ARHGAP29: variants seen among roughly 807,000 people sequenced by gnomAD.
The protein encoded by ARHGAP29 is rho GTPase-activating protein 29.
Under a neutral mutation model 122.6 loss-of-function variants are expected in ARHGAP29, and 43 were observed. The observed-to-expected ratio is 0.35, with a 90% confidence interval of 0.27 to 0.45. ARHGAP29 has a LOEUF of 0.45. Ranked by LOEUF, ARHGAP29 falls within the 20% of genes least tolerant of loss-of-function variation. The pLI, the probability that ARHGAP29 is intolerant of heterozygous loss-of-function variation, is 1.00. For synonymous variants in ARHGAP29, 506 were observed against 497.1 expected, an observed-to-expected ratio of 1.02 and a Z score of -0.24; for missense variants, 1,303 against 1,477.2, an observed-to-expected ratio of 0.88 and a Z score of 1.93.
chr1:94,199,013 T>A (rs1157367340), intron 12 of ARHGAP29, among the ~76,000 whole-genome samples: 1 of 152,094 alleles, frequency 6.6e-6, no homozygotes, highest in Non-Finnish European at 1.5e-5. Flanking sequence ...ACACCACATG[T>A]TCTCAATCAT....
chr1:94,269,023 T>A (rs1046475191), intron 1 of ARHGAP29, among the ~76,000 whole-genome samples: 7 of 152,324 alleles, frequency 4.6e-5, no homozygotes, highest in African/African-American at 1.4e-4. Flanking sequence ...AACTTTTAAA[T>A]CTCTCAAACA....
upstream of ARHGAP29, among the ~76,000 whole-genome samples, chr1:94,238,331 A>G (rs1653435956): frequency 6.6e-6 from 1 of 151,890 alleles, no homozygotes; most frequent in South Asian, 2.1e-4. Flanking sequence ...AGCCTCCCAA[A>G]GTACTGGGAT....
intron 12 of ARHGAP29, among the ~76,000 whole-genome samples, chr1:94,199,690 TC>T (rs2101490226): frequency 6.6e-6 from 1 of 152,304 alleles, no homozygotes; most frequent in East Asian, 1.9e-4. Flanking sequence ...CCATGGAAAT[TC>T]ACACTAGCCA....
At chr1:94,185,887 C>G (rs1017226867) in intron 16 of ARHGAP29, among the ~76,000 whole-genome samples, 2 of 152,078 alleles carry the variant, frequency 1.3e-5, no homozygotes, top group Admixed American at 6.6e-5. Flanking sequence ...ATCTGCATTA[C>G]AGATAAAGCT....
At chr1:94,204,067 G>A in intron 7 of ARHGAP29, 73 bp from the exon 8 acceptor site, 1 of 1,150,076 alleles carries the variant, frequency 8.7e-7, no homozygotes, top group African/African-American at 1.5e-5. Flanking sequence ...AAAATTACTT[G>A]TAGTAATTCC....
intron 16 of ARHGAP29, among the ~76,000 whole-genome samples, chr1:94,186,109 A>G (rs1168765833): frequency 1.3e-5 from 2 of 152,210 alleles, no homozygotes; most frequent in African/African-American, 2.4e-5. Flanking sequence ...CTTGTCCTCA[A>G]GAAGTACACT....
chr1:94,179,243 A>T (rs1189738771), intron 20 of ARHGAP29, among the ~76,000 whole-genome samples: 3 of 152,194 alleles, frequency 2.0e-5, no homozygotes, highest in African/African-American at 4.8e-5. Context: ...CAGATTGGAA[A>T]TGAAATGTTC....
At chr1:94,205,776 A>C (rs1651151540) in intron 5 of ARHGAP29, 93 bp from the exon 6 acceptor site, 1 of 1,059,892 alleles carries the variant, frequency 9.4e-7, no homozygotes, top group African/African-American at 1.6e-5. Context: ...CTCTGACATA[A>C]TTCCTGCTAA....
intron 2 of ARHGAP29, among the ~76,000 whole-genome samples, chr1:94,221,441 G>T (rs1652284499): frequency 6.6e-6 from 1 of 151,698 alleles, no homozygotes; most frequent in Non-Finnish European, 1.5e-5. Flanking sequence ...TTCATTCAAT[G>T]TGATACTGAA....
intron 1 of ARHGAP29, among the ~76,000 whole-genome samples, chr1:94,268,542 T>G (rs556079059): frequency 3.3e-4 from 50 of 152,310 alleles, no homozygotes; most frequent in African/African-American, 1.2e-3. Context: ...AGGGTTTTTG[T>G]CTCTCTCTGT....
At chr1:94,209,427 A>C in intron 3 of ARHGAP29, 77 bp from the exon 4 acceptor site, 1 of 847,080 alleles carries the variant, frequency 1.2e-6, no homozygotes, top group Non-Finnish European at 1.8e-6. Context: ...AATCCTTTAA[A>C]ACTTCATCAT....
intron 1 of ARHGAP29, among the ~76,000 whole-genome samples, chr1:94,261,627 C>A (rs1654559235): frequency 6.6e-6 from 1 of 152,040 alleles, no homozygotes; most frequent in South Asian, 2.1e-4. Flanking sequence ...AGCTGAGAAC[C>A]AAATCAGGAA....
At chr1:94,240,390 A>C (rs1477457476), upstream of ARHGAP29, among the ~76,000 whole-genome samples, 14 of 152,176 alleles carry the variant, frequency 9.2e-5, no homozygotes, top group Admixed American at 9.2e-4. Context: ...GTTTACTTTT[A>C]ATTTAAAAGG....
intron 3 of ARHGAP29, among the ~76,000 whole-genome samples, chr1:94,219,148 C>T (rs1215419686): frequency 6.6e-6 from 1 of 152,178 alleles, no homozygotes; most frequent in Admixed American, 6.5e-5. Context: ...GTTACCTTGT[C>T]TGTCTCTGAT....
chr1:94,228,607 C>A (rs1251076796), intron 2 of ARHGAP29, among the ~76,000 whole-genome samples: 2 of 151,770 alleles, frequency 1.3e-5, no homozygotes, highest in African/African-American at 2.4e-5. Flanking sequence ...AAAAGTTATA[C>A]ATACATCTCA....
the ARHGAP29 span, chr1:94,302,318 G>C: frequency 7.5e-6 from 2 of 265,818 alleles, no homozygotes; most frequent in South Asian, 3.6e-5. Context: ...GAGTCCACTG[G>C]CATCTTCACT....
the ARHGAP29 span, among the ~76,000 whole-genome samples, chr1:94,282,935 TGTGA>T: frequency 1.3e-5 from 2 of 152,146 alleles, no homozygotes; most frequent in Admixed American, 1.3e-4. Flanking sequence ...TTTCTCCCTC[TGTGA>T]GTAAGGAAGG....
chr1:94,224,155 C>T (rs943291426), intron 2 of ARHGAP29, among the ~76,000 whole-genome samples: 1 of 152,112 alleles, frequency 6.6e-6, no homozygotes, highest in Non-Finnish European at 1.5e-5. Context: ...TTTGTACAGC[C>T]AGATCTCTTA....
At chr1:94,274,177 G>A (rs1213875439) in intron 1 of ARHGAP29, among the ~76,000 whole-genome samples, 1 of 152,206 alleles carries the variant, frequency 6.6e-6, no homozygotes, top group African/African-American at 2.4e-5. Context: ...AGAACCAGAT[G>A]TAATATTTTC....
Sources: gnomAD v4.1 joint callset for allele counts (sites outside exome capture counted in the v4.1 genomes callset) on GRCh38, gnomAD v4.1.1 for gene constraint, MANE v1.5 for transcripts, NCBI Gene and HGNC (gene_info 2026-07-23, HGNC 2026-07-21) for gene names.